The following HES6 variants were observed in gnomAD, a reference collection of about 807,000 sequenced individuals.
HES6 encodes transcription cofactor HES-6.
Under a neutral mutation model 16.4 loss-of-function variants are expected in HES6, and 24 were observed. That is an observed-to-expected ratio of 1.46 (90% confidence interval 1.06 to 2.06). HES6 has a LOEUF of 2.06. Among genes scored for constraint, HES6 ranks in the 30% most tolerant of loss-of-function variants. HES6 has a pLI of 0.00. For missense variants in HES6, 355 were observed against 317.6 expected, an observed-to-expected ratio of 1.12 and a Z score of -0.90; for synonymous variants, 159 against 144.3, an observed-to-expected ratio of 1.10 and a Z score of -0.73.
chr2:238,238,782 C>A lies in HES6; in HGVS notation c.*45G>T, dbSNP rs560820477. 3 of 1,516,248 alleles carry A rather than the reference C, an allele frequency of 2.0e-6. No homozygotes were observed. The highest frequency in any genetic ancestry group is 1.2e-5 in the South Asian group (1 of 83,484). 93.9% of individuals were successfully genotyped at this position (1,516,248 alleles called of 1,614,324 possible). ...AACCCCTGGGAGGAGGGAGGAGATC[C>A]AGGGAGGGCCGGGCCCACCCCCGCA... On this transcript the variant is annotated 3_prime_UTR_variant, in exon 4 of 4. Coordinates refer to ENST00000272937, the MANE Select transcript of HES6 (RefSeq NM_018645.6).
rs560820477 is a variant in HES6, at chr2:238,238,782, C to G, written c.*45G>C. On this transcript the variant is annotated 3_prime_UTR_variant, in exon 4 of 4. Transcript: ENST00000272937. ...AACCCCTGGGAGGAGGGAGGAGATC[C>G]AGGGAGGGCCGGGCCCACCCCCGCA... The G allele has an allele frequency of 1.1e-5, 16 of 1,516,366 alleles. No homozygotes were observed. The East Asian group carries it at 3.9e-4, about 37-fold the overall frequency. 93.9% of individuals were successfully genotyped at this position (1,516,366 alleles called of 1,614,324 possible).
In HES6 at chr2:238,239,962, G is replaced by A. The variant is rs1257391682; in HGVS notation, c.-57C>T. The stretch of plus-strand genomic sequence containing the variant: ...GGAGCAGCGGGGACGGGGAGCGGCG[G>A]GGACCGGAGTGCCGGCGCCCTCCGC... On this transcript the variant is annotated 5_prime_UTR_variant, in exon 1 of 4. Transcript: ENST00000272937. 1.3e-5 allele frequency: 15 copies of A among 1,111,728 alleles called. No homozygotes were observed. In the Admixed American group the frequency reaches 4.6e-4, roughly 34 times the overall value. The allele number at this position is 1,111,728 out of a possible 1,614,324, so 68.9% of individuals were successfully genotyped here. A position where few individuals can be genotyped will look rare whatever the true frequency, so the allele number is the denominator to read the frequency against.
At chr2:238,239,460 GC>G (rs1395921660) in intron 3 of HES6, 26 bp downstream of exon 3, 4 of 1,272,004 alleles carry the variant, frequency 3.1e-6, no homozygotes, top group Admixed American at 4.3e-5. Context: ...CGCGGCCGGC[GC>G]CCCCGCCCGC....
chr2:238,239,353 A>G, intron 3 of HES6, 102 bp from the exon 4 acceptor site: 1 of 1,348,142 alleles, frequency 7.4e-7, no homozygotes, highest in African/African-American at 1.5e-5. Context: ...CACCCAGGAG[A>G]CGCGGGGGCG....
chr2:238,238,835 G>T lies in HES6; in HGVS notation c.667C>A (p.Pro223Thr). Residue 223 changes from proline to threonine, a missense_variant, in exon 4 of 4, where the codon CCT becomes ACT. Pro to Thr is a conservative substitution (Grantham distance 38). Transcript: ENST00000272937. The part of the protein sequence containing the change: ...TAQIARSVWR[P>T]W ...ACTCTGGCTGGCATTGGTCACCAAGGCCTCCAGACACTCCGGGCAATTTGG... is the reference window on the plus strand; with the variant it reads ...ACTCTGGCTGGCATTGGTCACCAAGTCCTCCAGACACTCCGGGCAATTTGG... The T allele has an allele frequency of 6.4e-7, 1 of 1,563,664 alleles. No homozygotes were observed. Among genetic ancestry groups the T allele is most frequent in the East Asian group, 2.3e-5 (1 of 42,774 alleles).
chr2:238,239,811 G>A lies in HES6; in HGVS notation c.81+14C>T, dbSNP rs1203968427. 4 of 1,405,540 alleles carry A rather than the reference G, an allele frequency of 2.8e-6. No homozygotes were observed. The highest frequency in any genetic ancestry group is 3.1e-5 in the East Asian group (1 of 32,708). The allele number at this position is 1,405,540 out of a possible 1,614,324, so 87.1% of individuals were successfully genotyped here. A position where few individuals can be genotyped will look rare whatever the true frequency, so the allele number is the denominator to read the frequency against. On this transcript the variant is annotated intron_variant, in intron 1 of 3. Coordinates refer to ENST00000272937, the MANE Select transcript of HES6 (RefSeq NM_018645.6). The stretch of plus-strand genomic sequence containing the variant: ...CCTCCCGCCCGCTTGCTCGCCCATG[G>A]CCCCGGCCCGCACCTTGCGGTCCCC...
chr2:238,239,454 G>T lies in HES6; in HGVS notation c.250+33C>A. The T allele has an allele frequency of 7.8e-6, 10 of 1,278,396 alleles. 1 individual carries two copies. The highest frequency in any genetic ancestry group is 9.9e-6 in the Non-Finnish European group (10 of 1,014,618). 79.2% of individuals were successfully genotyped at this position (1,278,396 alleles called of 1,614,324 possible). A position where few individuals can be genotyped will look rare whatever the true frequency, so the allele number is the denominator to read the frequency against. ...CTGGCAGGGGTTACAGGCGCCCGCG[G>T]CCGGCGCCCCCGCCCGCCCCGCCGC... On this transcript the variant is annotated intron_variant, in intron 3 of 3. Transcript: ENST00000272937.
chr2:238,239,894 G>C lies in HES6; in HGVS notation c.12C>G (p.Pro4=), dbSNP rs1047589. The C allele has an allele frequency of 0.092, 113,067 of 1,231,500 alleles. 5,646 individuals carry two copies. Among genetic ancestry groups the C allele is most frequent in the Middle Eastern group, 0.13 (446 of 3,408 alleles). The allele number at this position is 1,231,500 out of a possible 1,614,324, so 76.3% of individuals were successfully genotyped here. MAP[P]AAPGRDRVGR... is the part of the protein sequence containing the mutation. ...CCACACGGTCCCGGCCAGGCGCCGC[G>C]GGTGGCGCCATGCCCGCTCCGCCGG... Residue 4 remains proline (P), a synonymous_variant, in exon 1 of 4, where the codon CCC becomes CCG. Coordinates refer to ENST00000272937, the MANE Select transcript of HES6 (RefSeq NM_018645.6).
In HES6 at chr2:238,239,822, C is replaced by A; in HGVS notation, c.81+3G>T. 7.1e-7 allele frequency: 1 copy of A among 1,402,946 alleles called. No individual in the cohort carries two copies. Among genetic ancestry groups the A allele is most frequent in the Middle Eastern group, 2.1e-4 (1 of 4,832 alleles). The allele number at this position is 1,402,946 out of a possible 1,614,324, so 86.9% of individuals were successfully genotyped here. A position where few individuals can be genotyped will look rare whatever the true frequency, so the allele number is the denominator to read the frequency against. On this transcript the variant is annotated splice_donor_region_variant and intron_variant, in intron 1 of 3. Transcript: ENST00000272937. ...CTTGCTCGCCCATGGCCCCGGCCCGCACCTTGCGGTCCCCTCGCGTCTCCC... is the reference window on the plus strand; with the variant it reads ...CTTGCTCGCCCATGGCCCCGGCCCGAACCTTGCGGTCCCCTCGCGTCTCCC...
In HES6 at chr2:238,239,746, G is replaced by A. The variant is rs777444975; in HGVS notation, c.83C>T (p.Ala28Val). ...DGWETRGDRK[A>V]RKPLVEKKRR... is the part of the protein sequence containing the mutation. Reference sequence around the variant, plus strand: ...CTTCTTCTCCACCAGGGGCTTCCGGGCCTGCGGGGAGCGGGGCACTGAATC... The same window carrying A: ...CTTCTTCTCCACCAGGGGCTTCCGGACCTGCGGGGAGCGGGGCACTGAATC... Residue 28 changes from alanine (A) to valine (V), a missense_variant and splice_region_variant, in exon 2 of 4, where the codon GCC (alanine) becomes GTC (valine). Transcript: ENST00000272937. The A allele has an allele frequency of 2.2e-5, 30 of 1,393,530 alleles. No individual in the cohort carries two copies. Among genetic ancestry groups the A allele is most frequent in the Non-Finnish European group, 2.7e-5 (29 of 1,066,246 alleles). 86.3% of individuals were successfully genotyped at this position (1,393,530 alleles called of 1,614,324 possible).
Position 238,239,755 on chromosome 2 carries a change from G to A in HES6, c.82-8C>T. ...CACCAGGGGCTTCCGGGCCTGCGGG[G>A]AGCGGGGCACTGAATCCCAGCCCCG... On this transcript the variant is annotated splice_region_variant and splice_polypyrimidine_tract_variant and intron_variant, in intron 1 of 3. Transcript: ENST00000272937. 7.2e-7 allele frequency: 1 copy of A among 1,396,232 alleles called. No homozygotes were observed. The highest frequency in any genetic ancestry group is 9.4e-7 in the Non-Finnish European group (1 of 1,067,708). 86.5% of individuals were successfully genotyped at this position (1,396,232 alleles called of 1,614,324 possible).
In HES6 at chr2:238,238,516, C is replaced by T; in HGVS notation, c.*311G>A. 7.4e-6 allele frequency: 3 copies of T among 407,062 alleles called. No homozygotes were observed. Among genetic ancestry groups the T allele is most frequent in the Non-Finnish European group, 1.3e-5 (3 of 225,220 alleles). 25.2% of individuals were successfully genotyped at this position (407,062 alleles called of 1,614,324 possible). ...GCCACCTCTGCCCCCAGAGCCCGCA[C>T]AGGGCTGGTGAAGCCTGGGTGGGTG... On this transcript the variant is annotated 3_prime_UTR_variant, in exon 4 of 4. Coordinates refer to ENST00000272937, the MANE Select transcript of HES6 (RefSeq NM_018645.6).
intron 2 of HES6, 43 bp from the exon 3 acceptor site, chr2:238,239,611 G>GGGGGGGCCCCCCC: frequency 3.5e-6 from 4 of 1,135,638 alleles, no homozygotes; most frequent in Non-Finnish European, 4.3e-6. Flanking sequence ...CGCGCTCCCG[G>GGGGGGGCCCCCCC]ACCCGCCCGC....
At position 238,239,569 on chromosome 2, in the gene HES6, C is replaced by A. The variant is rs1357447118; in HGVS notation, c.169-1G>T. The A allele has an allele frequency of 1.6e-6, 2 of 1,246,936 alleles. No individual in the cohort carries two copies. Among genetic ancestry groups the A allele is most frequent in the Non-Finnish European group, 1.0e-6 (1 of 993,266 alleles). 77.2% of individuals were successfully genotyped at this position (1,246,936 alleles called of 1,614,324 possible). A position where few individuals can be genotyped will look rare whatever the true frequency, so the allele number is the denominator to read the frequency against. On this transcript the variant is annotated splice_acceptor_variant, in intron 2 of 3. Transcript: ENST00000272937. LOFTEE classifies it high-confidence loss of function. Reference sequence around the variant, plus strand: ...CGGCGTTCTCCAGCTTGGCCTGCACCTGCGCGGGCGGGAAGGGCGGTGAGC... The same window carrying A: ...CGGCGTTCTCCAGCTTGGCCTGCACATGCGCGGGCGGGAAGGGCGGTGAGC...
At chr2:238,239,611 G>GGGCC in intron 2 of HES6, 43 bp from the exon 3 acceptor site, 3 of 1,135,680 alleles carry the variant, frequency 2.6e-6, no homozygotes, top group South Asian at 3.9e-5. Flanking sequence ...CGCGCTCCCG[G>GGGCC]ACCCGCCCGC....
rs1257434083 is a variant in HES6 at position 238,239,881 on chromosome 2, G to A, written c.25C>T (p.Arg9Trp). MAPPAAPG[R>W]DRVGREDEDG... Reference sequence around the variant, plus strand: ...TCATCCTCACGGCCCACACGGTCCCGGCCAGGCGCCGCGGGTGGCGCCATG... The same window carrying A: ...TCATCCTCACGGCCCACACGGTCCCAGCCAGGCGCCGCGGGTGGCGCCATG... The change falls in exon 1 of 4, where the codon CGG becomes TGG. Residue 9 changes from arginine (R) to tryptophan (W), a missense_variant. Physicochemically the swap from Arg to Trp is moderately radical, Grantham distance 101. Transcript: ENST00000272937. 2 of 1,256,300 alleles carry A rather than the reference G, an allele frequency of 1.6e-6. No homozygotes were observed. Among genetic ancestry groups the A allele is most frequent in the Non-Finnish European group, 2.0e-6 (2 of 997,694 alleles). The allele number at this position is 1,256,300 out of a possible 1,614,324, so 77.8% of individuals were successfully genotyped here.
At position 238,239,967 on chromosome 2, in the gene HES6, C is replaced by T. The variant is rs1695274439; in HGVS notation, c.-62G>A. ...AGCGGGGACGGGGAGCGGCGGGGAC[C>T]GGAGTGCCGGCGCCCTCCGCTGCCC... On this transcript the variant is annotated 5_prime_UTR_variant, in exon 1 of 4. Coordinates refer to ENST00000272937, the MANE Select transcript of HES6 (RefSeq NM_018645.6). 6 of 1,069,354 alleles carry T rather than the reference C, an allele frequency of 5.6e-6. No individual in the cohort carries two copies. Among genetic ancestry groups the T allele is most frequent in the Middle Eastern group, 3.8e-4 (1 of 2,658 alleles). The allele number at this position is 1,069,354 out of a possible 1,614,324, so 66.2% of individuals were successfully genotyped here.
Position 238,239,850 on chromosome 2 carries a change from C to A in HES6, c.56G>T (p.Gly19Val). 2 of 1,377,430 alleles carry A rather than the reference C, an allele frequency of 1.5e-6. No homozygotes were observed. Among genetic ancestry groups the A allele is most frequent in the Non-Finnish European group, 9.5e-7 (1 of 1,056,320 alleles). 85.3% of individuals were successfully genotyped at this position (1,377,430 alleles called of 1,614,324 possible). A position where few individuals can be genotyped will look rare whatever the true frequency, so the allele number is the denominator to read the frequency against. The change falls in exon 1 of 4, where the codon GGC (glycine) becomes GTC (valine). Residue 19 changes from glycine (G) to valine (V), a missense_variant. Gly to Val is a moderately radical substitution (Grantham distance 109). Coordinates refer to ENST00000272937, the MANE Select transcript of HES6 (RefSeq NM_018645.6). Reference sequence around the variant, plus strand: ...CTTGCGGTCCCCTCGCGTCTCCCAGCCGTCCTCATCCTCACGGCCCACACG... The same window carrying A: ...CTTGCGGTCCCCTCGCGTCTCCCAGACGTCCTCATCCTCACGGCCCACACG... ...RDRVGREDED[G>V]WETRGDRKAR...
chr2:238,238,730 T>A lies in HES6; in HGVS notation c.*97A>T. 2 of 1,263,312 alleles carry A rather than the reference T, an allele frequency of 1.6e-6. No individual in the cohort carries two copies. Among genetic ancestry groups the A allele is most frequent in the Non-Finnish European group, 2.2e-6 (2 of 919,366 alleles). The allele number at this position is 1,263,312 out of a possible 1,614,324, so 78.3% of individuals were successfully genotyped here. On this transcript the variant is annotated 3_prime_UTR_variant, in exon 4 of 4. Transcript: ENST00000272937. ...AGGAGGGAGGGAAGACCTGGGAGAC[T>A]TCCAGGGCCCTACCCCACCACATCT... is the stretch of plus-strand genomic sequence containing the variant.
Sources: gnomAD v4.1 joint callset for allele counts on GRCh38, gnomAD v4.1.1 for gene constraint, MANE v1.5 for transcripts, NCBI Gene and HGNC (gene_info 2026-07-23, HGNC 2026-07-21) for gene names.